TRAK1: variants seen among roughly 807,000 people sequenced by gnomAD.
The protein encoded by TRAK1 is trafficking kinesin protein 1.
In TRAK1, 33 loss-of-function variants were observed where a neutral mutation model predicts 92.1. The ratio of observed to expected loss-of-function variants is 0.36; its 90% CI spans 0.27 to 0.48. TRAK1 has a LOEUF of 0.48. Ranked by LOEUF, TRAK1 falls within the 20% of genes least tolerant of loss-of-function variation. TRAK1 has a pLI of 0.99. For synonymous variants in TRAK1, 521 were observed against 517.3 expected, an observed-to-expected ratio of 1.01 and a Z score of -0.10; for missense variants, 1,123 against 1,257.9, an observed-to-expected ratio of 0.89 and a Z score of 1.62.
intron 9 of TRAK1, among the ~76,000 whole-genome samples, chr3:42,194,577 C>T (rs1026426126): frequency 6.6e-6 from 1 of 152,120 alleles, no homozygotes; most frequent in Non-Finnish European, 1.5e-5. Flanking sequence ...TTCATTTGCC[C>T]ATTGTTGGTA....
rs535201119 is a variant in TRAK1, at chr3:42,210,781, C to G, written c.1963+796C>G. The G allele has an allele frequency of 3.6e-5, 35 of 985,476 alleles. No homozygotes were observed. The African/African-American group carries it at 6.1e-4, about 17-fold the overall frequency. 61.0% of individuals were successfully genotyped at this position (985,476 alleles called of 1,614,324 possible). On this transcript the variant is annotated intron_variant, in intron 14 of 15. Transcript: ENST00000327628. ...CTTAACCAAATAAACCTTCGGAGAA[C>G]GTCACTAAGCTTTTCCAGAGAGAAG...
intron 15 of TRAK1, chr3:42,220,638 G>C: frequency 1.0e-6 from 1 of 981,748 alleles, no homozygotes; most frequent in Non-Finnish European, 1.2e-6. Context: ...CCCTGTGGAA[G>C]GAGCTGTGTG....
intron 2 of TRAK1, among the ~76,000 whole-genome samples, chr3:42,174,439 T>C (rs1004555532): frequency 1.3e-5 from 2 of 152,072 alleles, no homozygotes; most frequent in African/African-American, 4.8e-5. Flanking sequence ...TATTATGATC[T>C]TGCAGAATGT....
chr3:42,216,795 T>G (rs1212878737), intron 14 of TRAK1, among the ~76,000 whole-genome samples: 5 of 152,202 alleles, frequency 3.3e-5, no homozygotes, highest in Non-Finnish European at 5.9e-5. Context: ...TTGTTAATAC[T>G]CTAACCCATT....
At chr3:42,072,566 C>T (rs7610545) in intron 1 of TRAK1, among the ~76,000 whole-genome samples, 94,952 of 145,334 alleles carry the variant, frequency 0.65, 31,196 homozygotes, top group South Asian at 0.81. Flanking sequence ...TTTTTTTTTT[C>T]TTTCTCTTTT....
intron 2 of TRAK1, chr3:42,160,343 CT>C: frequency 2.5e-6 from 4 of 1,613,702 alleles, no homozygotes; most frequent in Non-Finnish European, 3.4e-6. Context: ...GATGTTTTGG[CT>C]TTGGGGTGAC....
chr3:42,131,317 G>A (rs1697168287), intron 2 of TRAK1, among the ~76,000 whole-genome samples: 2 of 152,232 alleles, frequency 1.3e-5, no homozygotes, highest in South Asian at 4.1e-4. Flanking sequence ...GTTCCCTTTT[G>A]TCTCTCTGGA....
In TRAK1 at chr3:42,200,871, A is replaced by G. The variant is rs137919210; in HGVS notation, c.1244A>G (p.Gln415Arg). The G allele has an allele frequency of 4.5e-5, 72 of 1,614,202 alleles. No homozygotes were observed. In the African/African-American group the frequency reaches 9.2e-4, roughly 21 times the overall value. Residue 415 changes from glutamine (Q) to arginine (R), a missense_variant, in exon 12 of 16, where the codon CAG (glutamine) becomes CGG (arginine). By Grantham distance (43) the Gln-to-Arg change is conservative. Transcript: ENST00000327628. ...TVRNINQVVK[Q>R]RSLTPSPMNI... is the part of the protein sequence containing the mutation. ...AGAAACATCAACCAGGTTGTCAAGCAGAGATCTCTGACCCCTTCTCCCATG... is the reference window on the plus strand; with the variant it reads ...AGAAACATCAACCAGGTTGTCAAGCGGAGATCTCTGACCCCTTCTCCCATG...
intron 1 of TRAK1, among the ~76,000 whole-genome samples, chr3:42,061,714 C>T (rs747281009): frequency 3.9e-5 from 6 of 152,152 alleles, no homozygotes; most frequent in Non-Finnish European, 8.8e-5. Flanking sequence ...AGTCATCTCA[C>T]TTCTTTCCCA....
intron 1 of TRAK1, among the ~76,000 whole-genome samples, chr3:42,046,724 G>C (rs1702766295): frequency 6.6e-6 from 1 of 152,172 alleles, no homozygotes; most frequent in Non-Finnish European, 1.5e-5. Flanking sequence ...CACAGTGTCT[G>C]CTAGAATTTA....
intron 1 of TRAK1, among the ~76,000 whole-genome samples, chr3:42,032,051 C>T (rs750106520): frequency 6.6e-6 from 1 of 152,192 alleles, no homozygotes; most frequent in Non-Finnish European, 1.5e-5. Flanking sequence ...TGAGGGGAAT[C>T]AGCTCCTTCA....
chr3:42,039,889 C>T (rs1044973226), intron 1 of TRAK1, among the ~76,000 whole-genome samples: 1 of 152,132 alleles, frequency 6.6e-6, no homozygotes, highest in Non-Finnish European at 1.5e-5. Flanking sequence ...AAATTTGTTA[C>T]TGTTCATATG....
At chr3:42,035,911 C>T (rs776372928) in intron 1 of TRAK1, among the ~76,000 whole-genome samples, 10 of 152,266 alleles carry the variant, frequency 6.6e-5, no homozygotes, top group Non-Finnish European at 1.5e-5. Context: ...CTACTTGCTT[C>T]TCTGCACAGC....
At chr3:42,080,880 A>G (rs1374682770) in intron 1 of TRAK1, among the ~76,000 whole-genome samples, 1 of 151,042 alleles carries the variant, frequency 6.6e-6, no homozygotes, top group African/African-American at 2.4e-5. Context: ...CTATTAAACT[A>G]CTCTTTTTTT....
intron 1 of TRAK1, among the ~76,000 whole-genome samples, chr3:42,082,112 T>C (rs969804209): frequency 2.6e-5 from 4 of 152,228 alleles, no homozygotes; most frequent in Admixed American, 2.0e-4. Context: ...GTGCTTATAC[T>C]TAAAATATTT....
At chr3:42,038,580 G>A (rs576566208) in intron 1 of TRAK1, among the ~76,000 whole-genome samples, 1 of 152,120 alleles carries the variant, frequency 6.6e-6, no homozygotes. Flanking sequence ...GAGCTCAGGA[G>A]TTCGAGACCA....
intron 1 of TRAK1, among the ~76,000 whole-genome samples, chr3:42,109,966 C>T (rs1343575670): frequency 6.7e-6 from 1 of 148,950 alleles, no homozygotes; most frequent in Non-Finnish European, 1.5e-5. Flanking sequence ...GTAGGGGTGG[C>T]GGGGGGGATG....
chr3:42,076,340 C>T (rs1704157533), intron 1 of TRAK1, among the ~76,000 whole-genome samples: 1 of 149,860 alleles, frequency 6.7e-6, no homozygotes, highest in South Asian at 2.1e-4. Flanking sequence ...ATTCTCCTGC[C>T]TCAGCCTCCC....
intron 15 of TRAK1, among the ~76,000 whole-genome samples, chr3:42,220,100 CAGT>C (rs762501576): frequency 6.6e-6 from 1 of 152,114 alleles, no homozygotes; most frequent in African/African-American, 2.4e-5. Flanking sequence ...CCAAGTTTGT[CAGT>C]AGAGCACAGA....
Sources: gnomAD v4.1 joint callset for allele counts (sites outside exome capture counted in the v4.1 genomes callset) on GRCh38, gnomAD v4.1.1 for gene constraint, MANE v1.5 for transcripts, NCBI Gene and HGNC (gene_info 2026-07-23, HGNC 2026-07-21) for gene names.